Variants in MIB1 observed in about 807,000 individuals in gnomAD.
The protein encoded by MIB1 is MIB E3 ubiquitin protein ligase 1, also known as E3 ubiquitin-protein ligase MIB1.
MIB1 carries 278 observed loss-of-function variants against 124.5 expected under a neutral mutation model. That is an observed-to-expected ratio of 2.23 (90% CI 2.02 to 2.47). The LOEUF (loss-of-function observed/expected upper bound fraction) is 2.47, where lower values mean the gene tolerates loss of function less well. MIB1 is among the 30% of genes most tolerant of loss of function. The pLI is 0.00. For synonymous variants in MIB1, 446 were observed against 429.4 expected, an observed-to-expected ratio of 1.04 and a Z score of -0.48; for missense variants, 957 against 1,254.4, an observed-to-expected ratio of 0.76 and a Z score of 3.58.
At chr18:21,756,596 C>G (rs1568188393) in intron 1 of MIB1, among the ~76,000 whole-genome samples, 1 of 151,970 alleles carries the variant, frequency 6.6e-6, no homozygotes, top group Non-Finnish European at 1.5e-5. Context: ...TCCCAGGTAG[C>G]TGGGATCACA....
At chr18:21,843,394 T>C (rs1173374714) in intron 14 of MIB1, among the ~76,000 whole-genome samples, 177 bp downstream of exon 14, 1 of 152,238 alleles carries the variant, frequency 6.6e-6, no homozygotes, top group Non-Finnish European at 1.5e-5. Context: ...GACCATATGC[T>C]TGAGATTGGC....
At chr18:21,791,031 CTG>C (rs1250993941) in intron 6 of MIB1, among the ~76,000 whole-genome samples, 1 of 151,758 alleles carries the variant, frequency 6.6e-6, no homozygotes, top group Non-Finnish European at 1.5e-5. Flanking sequence ...TGGTGAAATC[CTG>C]TCTCTACTAA....
intron 15 of MIB1, among the ~76,000 whole-genome samples, chr18:21,844,649 G>A (rs1383905819): frequency 6.6e-6 from 1 of 152,088 alleles, no homozygotes; most frequent in Non-Finnish European, 1.5e-5. Flanking sequence ...GGCTGGTCTC[G>A]AACTCCTGAC....
chr18:21,824,892 TCTTTA>T (rs1354954545), intron 12 of MIB1, among the ~76,000 whole-genome samples: 3 of 152,134 alleles, frequency 2.0e-5, no homozygotes, highest in Non-Finnish European at 2.9e-5. Flanking sequence ...TCACTTTTTT[TCTTTA>T]CTTCAGTTTA....
chr18:21,752,971 G>T (rs1339466708), intron 1 of MIB1, among the ~76,000 whole-genome samples: 1 of 152,136 alleles, frequency 6.6e-6, no homozygotes. Context: ...AATACATGTT[G>T]AGTGAAAAAG....
At chr18:21,745,990 G>A (rs571858283) in intron 1 of MIB1, among the ~76,000 whole-genome samples, 31 of 152,172 alleles carry the variant, frequency 2.0e-4, no homozygotes, top group African/African-American at 6.5e-4. Context: ...ACAAGTGTGA[G>A]CCACCACACC....
chr18:21,862,339 C>CA (rs1672823253), intron 20 of MIB1, among the ~76,000 whole-genome samples: 1 of 152,154 alleles, frequency 6.6e-6, no homozygotes, highest in African/African-American at 2.4e-5. Flanking sequence ...CTGGTATTCT[C>CA]AAAGTTGGTA....
intron 12 of MIB1, among the ~76,000 whole-genome samples, chr18:21,837,916 C>G (rs1252582006): frequency 6.6e-6 from 1 of 152,120 alleles, no homozygotes; most frequent in African/African-American, 2.4e-5. Flanking sequence ...TCTGGCTGTT[C>G]TTCATTAACT....
chr18:21,826,753 A>G (rs751311779), intron 12 of MIB1: 4 of 152,158 alleles, frequency 2.6e-5, no homozygotes, highest in Non-Finnish European at 5.9e-5. Flanking sequence ...TCAGAGAAAT[A>G]TAGAGTAGAG....
chr18:21,818,624 T>C (rs2041851457), intron 11 of MIB1, among the ~76,000 whole-genome samples: 1 of 152,060 alleles, frequency 6.6e-6, no homozygotes, highest in Admixed American at 6.5e-5. Context: ...GGCAACATAC[T>C]GAGACCCCCA....
At chr18:21,797,713 A>G (rs2041599514) in intron 7 of MIB1, among the ~76,000 whole-genome samples, 2 of 151,982 alleles carry the variant, frequency 1.3e-5, no homozygotes, top group African/African-American at 4.8e-5. Context: ...TTTTTTAGAA[A>G]TCCAATTTTC....
At chr18:21,855,506 T>G (rs1239456447) in intron 18 of MIB1, among the ~76,000 whole-genome samples, 1 of 152,230 alleles carries the variant, frequency 6.6e-6, no homozygotes, top group Admixed American at 6.5e-5. Context: ...CCTTTATGTT[T>G]AAGAAAAAAA....
At chr18:21,851,862 GT>G (rs1017392476) in intron 17 of MIB1, among the ~76,000 whole-genome samples, 2 of 151,330 alleles carry the variant, frequency 1.3e-5, no homozygotes, top group African/African-American at 4.9e-5. Context: ...TATGGCTACA[GT>G]TTTTTTTTCT....
intron 3 of MIB1, among the ~76,000 whole-genome samples, chr18:21,769,499 AG>A (rs1369770553): frequency 6.6e-6 from 1 of 152,216 alleles, no homozygotes; most frequent in Non-Finnish European, 1.5e-5. Context: ...CCTGGTGCCC[AG>A]CAGTCATCCT....
At position 21,798,126 on chromosome 18, in the gene MIB1, A is replaced by C; in HGVS notation, c.1135A>C (p.Ser379Arg). 6.2e-7 allele frequency: 1 copy of C among 1,613,306 alleles called. No homozygotes were observed. Among genetic ancestry groups the C allele is most frequent in the Non-Finnish European group, 8.5e-7 (1 of 1,179,416 alleles). ...CCGAGTACAACAGATTTATTCAGACAGTGATTTAAAGGTGGAAGTTTGTGG... is the reference window on the plus strand; with the variant it reads ...CCGAGTACAACAGATTTATTCAGACCGTGATTTAAAGGTGGAAGTTTGTGG... ...VGRVQQIYSD[S>R]DLKVEVCGTS... The change falls in exon 8 of 21, where the codon AGT becomes CGT. Residue 379 changes from serine (S) to arginine (R), a missense_variant. Physicochemically the swap from Ser to Arg is moderately radical, Grantham distance 110 (BLOSUM62 -1). Transcript: ENST00000261537.
chr18:21,849,229 T>G lies in MIB1; in HGVS notation c.2427T>G (p.Ile809Met), dbSNP rs752016698. 2 of 1,599,746 alleles carry G rather than the reference T, an allele frequency of 1.3e-6. No individual in the cohort carries two copies. The highest frequency in any genetic ancestry group is 2.3e-5 in the South Asian group (2 of 88,122). Residue 809 changes from isoleucine to methionine, a missense_variant, in exon 17 of 21, where the codon ATT becomes ATG. Ile to Met is a conservative substitution (Grantham distance 10). Transcript: ENST00000261537. ...GQVGSRSPSM[I>M]SNDSETLEEC... ...TGGGTTCTCGGAGTCCTTCTATGAT[T>G]AGTAATGATTCTGAAACCTTAGAAG... is the stretch of plus-strand genomic sequence containing the variant.
intron 4 of MIB1, among the ~76,000 whole-genome samples, chr18:21,777,597 C>T (rs888002213): frequency 5.9e-5 from 9 of 151,640 alleles, no homozygotes; most frequent in Non-Finnish European, 8.8e-5. Context: ...CTCTGTTGCC[C>T]GGGCTGGAGT....
At chr18:21,710,343 C>A (rs1030221086) in intron 1 of MIB1, among the ~76,000 whole-genome samples, 1 of 152,032 alleles carries the variant, frequency 6.6e-6, no homozygotes, top group African/African-American at 2.4e-5. Flanking sequence ...ATCCGCCCGC[C>A]TGAGCCTTCC....
At chr18:21,758,695 C>T (rs565372256) in intron 1 of MIB1, among the ~76,000 whole-genome samples, 24 of 152,114 alleles carry the variant, frequency 1.6e-4, no homozygotes, top group African/African-American at 5.5e-4. Context: ...CCACCACACC[C>T]GGCTAATTTT....
Sources: gnomAD v4.1 joint callset for allele counts (sites outside exome capture counted in the v4.1 genomes callset) on GRCh38, gnomAD v4.1.1 for gene constraint, MANE v1.5 for transcripts, NCBI Gene and HGNC (gene_info 2026-07-23, HGNC 2026-07-21) for gene names.